The following EDA2R variants were observed in gnomAD, a reference collection of about 807,000 sequenced individuals.
The protein encoded by EDA2R is ectodysplasin A2 receptor.
EDA2R carries 26 observed loss-of-function variants against 20.1 expected under a neutral mutation model. The ratio of observed to expected loss-of-function variants is 1.30; its 90% confidence interval spans 0.95 to 1.80. The LOEUF is 1.80. EDA2R is among the 40% of genes most tolerant of loss of function. The pLI, the probability that EDA2R is intolerant of heterozygous loss-of-function variation, is 0.00. For missense variants in EDA2R, 277 were observed against 228.7 expected (o/e 1.21, Z -1.36); for synonymous variants, 114 against 88.7 (o/e 1.29, Z -1.60).
chrX:66,618,900 T>C (rs895810104), intron 1 of EDA2R, among the ~76,000 whole-genome samples: 1 of 112,296 alleles, frequency 8.9e-6, no homozygotes, highest in Non-Finnish European at 1.9e-5. Flanking sequence ...TCAGCATCAG[T>C]TTTTTCATCT....
chrX:66,613,716 A>G (rs1248693513), intron 2 of EDA2R, among the ~76,000 whole-genome samples: 2 of 111,772 alleles, frequency 1.8e-5, no homozygotes, highest in Non-Finnish European at 3.8e-5. Flanking sequence ...TTATCTGCTG[A>G]TATATTTCAA....
chrX:66,609,189 C>T (rs1237606902), intron 2 of EDA2R, among the ~76,000 whole-genome samples: 1 of 112,124 alleles, frequency 8.9e-6, no homozygotes, highest in Non-Finnish European at 1.9e-5. Flanking sequence ...TACTCCCCAA[C>T]ATGGATTGGA....
At chrX:66,628,623 C>T (rs1359087554) in intron 1 of EDA2R, among the ~76,000 whole-genome samples, 2 of 108,996 alleles carry the variant, frequency 1.8e-5, no homozygotes, top group African/African-American at 6.7e-5. Flanking sequence ...AATACACCCC[C>T]CCAGCTTAAA....
intron 1 of EDA2R, among the ~76,000 whole-genome samples, chrX:66,626,693 A>C (rs1020805420): frequency 4.6e-5 from 5 of 108,449 alleles, no homozygotes; most frequent in Non-Finnish European, 9.6e-5. Context: ...CTCAAAAAAA[A>C]TCATTGCCTA....
rs1409796130 is a variant in EDA2R at position 66,597,011 on chromosome X, A to C, written c.*1093T>G. 1.8e-5 allele frequency: 2 copies of C among 112,956 alleles called. No individual in the cohort carries two copies. Among genetic ancestry groups the C allele is most frequent in the Non-Finnish European group, 3.7e-5 (2 of 53,387 alleles). The allele number at this position is 112,956 out of a possible 1,213,427, so 9.3% of individuals were successfully genotyped here. A position where few individuals can be genotyped will look rare whatever the true frequency, so the allele number is the denominator to read the frequency against. On this transcript the variant is annotated 3_prime_UTR_variant, in exon 7 of 7. Coordinates refer to ENST00000374719, the MANE Select transcript of EDA2R (RefSeq NM_021783.5). ...ATGAACCCAAAAGATGTAGTTAATA[A>C]AATTCTAAAAGCAAAAATCTTGCTG...
At chrX:66,633,862 G>A (rs1424623584) in intron 1 of EDA2R, among the ~76,000 whole-genome samples, 1 of 111,945 alleles carries the variant, frequency 8.9e-6, no homozygotes, top group Non-Finnish European at 1.9e-5. Context: ...TTATTTGCAG[G>A]ATTGGGACTG....
In EDA2R at chrX:66,599,617, C is replaced by G. The variant is rs1928147346; in HGVS notation, c.761G>C (p.Cys254Ser). The change falls in exon 6 of 7, where the codon TGC becomes TCC. Residue 254 changes from cysteine (C) to serine (S), a missense_variant. Coordinates refer to ENST00000374719, the MANE Select transcript of EDA2R (RefSeq NM_021783.5). ...AAACTTTTGCAGGTCCAGCTCTGTG[C>G]ATTCGATGGGGCTGTGGACCCAGTG... ...HSHWVHSPIE[C>S]TELDLQKFSS... The G allele has an allele frequency of 2.5e-6, 3 of 1,204,497 alleles. No individual in the cohort carries two copies. Among genetic ancestry groups the G allele is most frequent in the Non-Finnish European group, 3.4e-6 (3 of 891,981 alleles).
At chrX:66,621,391 T>A (rs775956908) in intron 1 of EDA2R, among the ~76,000 whole-genome samples, 2 of 112,227 alleles carry the variant, frequency 1.8e-5, no homozygotes, top group South Asian at 7.5e-4. Context: ...GCAATTTCAC[T>A]CCTAAGTGTA....
chrX:66,629,884 A>G (rs989147632), intron 1 of EDA2R, among the ~76,000 whole-genome samples: 1 of 111,567 alleles, frequency 9.0e-6, no homozygotes, highest in Non-Finnish European at 1.9e-5. Flanking sequence ...CATAACCAAA[A>G]CAAGACTATG....
At chrX:66,630,692 G>T (rs1265180062) in intron 1 of EDA2R, among the ~76,000 whole-genome samples, 1 of 110,269 alleles carries the variant, frequency 9.1e-6, no homozygotes, top group Non-Finnish European at 1.9e-5. Flanking sequence ...AATAAAAACA[G>T]TAGATGTTGG....
At chrX:66,612,635 G>A (rs1405674813) in intron 2 of EDA2R, among the ~76,000 whole-genome samples, 3 of 109,785 alleles carry the variant, frequency 2.7e-5, no homozygotes, top group African/African-American at 9.9e-5. Flanking sequence ...ACAAATAGAG[G>A]GACAAAAGAA....
Position 66,604,490 on chromosome X carries a change from G to A in EDA2R, c.283C>T (p.Arg95Cys), listed in dbSNP as rs755280381. The A allele has an allele frequency of 2.8e-5, 34 of 1,206,124 alleles. No homozygotes were observed. Among genetic ancestry groups the A allele is most frequent in the South Asian group, 2.5e-4 (14 of 55,910 alleles). The change falls in exon 4 of 7, where the codon CGC (arginine) becomes TGC (cysteine). Residue 95 changes from arginine (R) to cysteine (C), a missense_variant. By Grantham distance (180) the Arg-to-Cys change is radical (BLOSUM62 -3). Transcript: ENST00000374719. ...DCLPRFYRKT[R>C]IGGLQDQECI... is the part of the protein sequence containing the mutation. The stretch of plus-strand genomic sequence containing the variant: ...TCTTGGTCCTGCAGGCCTCCAATGC[G>A]TGTCTTTCGGTAGAACCTGTGTTCA...
chrX:66,614,000 G>T (rs750391094), intron 2 of EDA2R, among the ~76,000 whole-genome samples: 3 of 111,094 alleles, frequency 2.7e-5, no homozygotes, highest in African/African-American at 9.8e-5. Flanking sequence ...ATTCTTGATT[G>T]GTCTTAATCA....
At chrX:66,605,284 C>A in intron 2 of EDA2R, 58 bp from the exon 3 acceptor site, 2 of 1,112,939 alleles carry the variant, frequency 1.8e-6, no homozygotes, top group Non-Finnish European at 2.4e-6. Context: ...ATGGGATCAC[C>A]TGTGGGACAA....
intron 6 of EDA2R, among the ~76,000 whole-genome samples, chrX:66,598,714 C>T (rs1257536385): frequency 8.9e-6 from 1 of 112,038 alleles, no homozygotes; most frequent in Non-Finnish European, 1.9e-5. Context: ...CATTTGTTCA[C>T]GTTTTCTTAG....
intron 2 of EDA2R, among the ~76,000 whole-genome samples, chrX:66,605,565 G>T (rs1039854027): frequency 7.1e-5 from 8 of 112,027 alleles, no homozygotes; most frequent in Non-Finnish European, 1.3e-4. Context: ...CTACCAGGGG[G>T]TTCCTGAGGA....
At chrX:66,603,796 G>A (rs1268588128) in intron 4 of EDA2R, among the ~76,000 whole-genome samples, 2 of 111,621 alleles carry the variant, frequency 1.8e-5, no homozygotes, top group Admixed American at 9.5e-5. Context: ...AACATCTGAA[G>A]CAAATATGCA....
chrX:66,622,753 C>T (rs943526980), intron 1 of EDA2R, among the ~76,000 whole-genome samples: 3 of 111,977 alleles, frequency 2.7e-5, no homozygotes, highest in African/African-American at 9.7e-5. Flanking sequence ...GTTGCTTTAC[C>T]TTTTGGTGTT....
chrX:66,600,212 G>T, intron 5 of EDA2R: 1 of 522,896 alleles, frequency 1.9e-6, no homozygotes, highest in Non-Finnish European at 3.1e-6. Flanking sequence ...ACTAGACTCT[G>T]CAGATGGAAT....
Sources: gnomAD v4.1 joint callset for allele counts (sites outside exome capture counted in the v4.1 genomes callset) on GRCh38, gnomAD v4.1.1 for gene constraint, MANE v1.5 for transcripts, NCBI Gene and HGNC (gene_info 2026-07-23, HGNC 2026-07-21) for gene names.